Variants in PPFIBP1 observed in about 807,000 individuals in gnomAD.
The protein encoded by PPFIBP1 is PPFIB scaffold protein 1, also known as liprin-beta-1.
A neutral mutation model predicts 137.8 loss-of-function variants in PPFIBP1; 112 were observed. That is an observed-to-expected ratio of 0.81 (90% CI 0.70 to 0.95). PPFIBP1 has a LOEUF of 0.95. Ranked by LOEUF, PPFIBP1 falls within the 40% of genes least tolerant of loss-of-function variation. The pLI is 0.00. For synonymous variants in PPFIBP1, 378 were observed against 417.3 expected (o/e 0.91, Z 1.15); for missense variants, 1,083 against 1,196.6 (o/e 0.91, Z 1.40).
chr12:27,592,569 A>C, intron 2 of PPFIBP1: 2 of 1,438,852 alleles, frequency 1.4e-6, no homozygotes, highest in Non-Finnish European at 2.0e-6. Flanking sequence ...CTTTCACAGG[A>C]TGATACCTCC....
chr12:27,664,239 G>A lies in PPFIBP1; in HGVS notation c.907-123G>A, dbSNP rs74074090. 360 of 641,228 alleles carry A rather than the reference G, an allele frequency of 5.6e-4. No homozygotes were observed. In the African/African-American group the frequency reaches 5.7e-3, roughly 10 times the overall value. 39.7% of individuals were successfully genotyped at this position (641,228 alleles called of 1,614,324 possible). ...CATCTGCTTATTCTTTTTTTTAAATGCTCTCTCGGCAGAATCATGCGTATT... is the reference window on the plus strand; with the variant it reads ...CATCTGCTTATTCTTTTTTTTAAATACTCTCTCGGCAGAATCATGCGTATT... On this transcript the variant is annotated intron_variant, in intron 11 of 29. Coordinates refer to ENST00000228425, the MANE Select transcript of PPFIBP1 (RefSeq NM_003622.4).
chr12:27,535,782 T>C (rs1944931799), intron 1 of PPFIBP1, among the ~76,000 whole-genome samples: 2 of 152,232 alleles, frequency 1.3e-5, no homozygotes, highest in African/African-American at 4.8e-5. Flanking sequence ...TATATTGTTA[T>C]GAGAACAGTA....
In PPFIBP1 at chr12:27,688,383, C is replaced by T. The variant is rs1349361020; in HGVS notation, c.2456C>T (p.Ala819Val). The change falls in exon 26 of 30, where the codon GCG becomes GTG. Residue 819 changes from alanine to valine, a missense_variant. Transcript: ENST00000228425. ...CGCTCCGTGGACTTGGCAGAATATGCGCCCAATCTCAGAGGCAGTGGTGTC... is the reference window on the plus strand; with the variant it reads ...CGCTCCGTGGACTTGGCAGAATATGTGCCCAATCTCAGAGGCAGTGGTGTC... ...WLRSVDLAEY[A>V]PNLRGSGVHG... The T allele has an allele frequency of 1.5e-5, 24 of 1,613,944 alleles. No homozygotes were observed. Among genetic ancestry groups the T allele is most frequent in the Non-Finnish European group, 1.9e-5 (23 of 1,180,010 alleles).
chr12:27,623,679 T>C (rs1166281040), intron 2 of PPFIBP1, among the ~76,000 whole-genome samples: 2 of 151,878 alleles, frequency 1.3e-5, no homozygotes, highest in Non-Finnish European at 2.9e-5. Context: ...CTGCACTCCA[T>C]CCTGTGTGAC....
chr12:27,626,456 T>C (rs1212398618), intron 2 of PPFIBP1, among the ~76,000 whole-genome samples: 1 of 152,142 alleles, frequency 6.6e-6, no homozygotes, highest in East Asian at 1.9e-4. Flanking sequence ...TGTGTGAGTC[T>C]AGTGATTGAG....
chr12:27,553,205 G>A (rs1171346501), intron 1 of PPFIBP1, among the ~76,000 whole-genome samples: 1 of 152,056 alleles, frequency 6.6e-6, no homozygotes, highest in Non-Finnish European at 1.5e-5. Context: ...AAATAAAGAC[G>A]AACTCAAGCT....
intron 1 of PPFIBP1, among the ~76,000 whole-genome samples, chr12:27,530,198 C>A (rs1170208232): frequency 1.3e-5 from 2 of 152,124 alleles, no homozygotes; most frequent in Non-Finnish European, 2.9e-5. Context: ...ATAGAATTTT[C>A]TTTTGTTTGC....
At chr12:27,651,695 G>A (rs1008911922) in intron 7 of PPFIBP1, among the ~76,000 whole-genome samples, 1 of 152,184 alleles carries the variant, frequency 6.6e-6, no homozygotes, top group Non-Finnish European at 1.5e-5. Context: ...TATGGATAGA[G>A]GTGGTCTTCT....
At chr12:27,570,810 G>A (rs2050079637) in intron 1 of PPFIBP1, among the ~76,000 whole-genome samples, 2 of 152,142 alleles carry the variant, frequency 1.3e-5, no homozygotes, top group African/African-American at 4.8e-5. Context: ...CTACTCGGGA[G>A]GCTGAGGCAG....
At chr12:27,560,208 A>G (rs1241567009) in intron 1 of PPFIBP1, among the ~76,000 whole-genome samples, 1 of 152,238 alleles carries the variant, frequency 6.6e-6, no homozygotes, top group Non-Finnish European at 1.5e-5. Context: ...TGCACTTTAA[A>G]TTCAAATTAT....
intron 21 of PPFIBP1, 30 bp downstream of exon 21, chr12:27,680,091 A>G: frequency 6.2e-7 from 1 of 1,611,798 alleles, no homozygotes; most frequent in Non-Finnish European, 8.5e-7. Context: ...AGACTTTTGC[A>G]TCTCTACCAA....
Position 27,664,587 on chromosome 12 carries a change from A to G in PPFIBP1, c.991+141A>G, listed in dbSNP as rs1035724566. The G allele has an allele frequency of 1.4e-5, 9 of 648,974 alleles. No homozygotes were observed. The South Asian group carries it at 1.4e-4, about 10-fold the overall frequency. The allele number at this position is 648,974 out of a possible 1,614,324, so 40.2% of individuals were successfully genotyped here. Reference sequence around the variant, plus strand: ...TAATTCGTTAATTGAACAATTAGGCAACTGTACTCTGCCAGAAAGTGTCCA... The same window carrying G: ...TAATTCGTTAATTGAACAATTAGGCGACTGTACTCTGCCAGAAAGTGTCCA... On this transcript the variant is annotated intron_variant, in intron 12 of 29. Transcript: ENST00000228425.
chr12:27,616,046 CTAAGCACTTAA>C (rs537205378), intron 2 of PPFIBP1, among the ~76,000 whole-genome samples: 111 of 152,300 alleles, frequency 7.3e-4, no homozygotes, highest in Non-Finnish European at 1.5e-3. Context: ...TGGGTACTTA[CTAAGCACTTAA>C]TAAATATTAG....
At chr12:27,657,735 A>G (rs566023071) in intron 9 of PPFIBP1, among the ~76,000 whole-genome samples, 1 of 151,956 alleles carries the variant, frequency 6.6e-6, no homozygotes. Context: ...CCCATCACCT[A>G]CTGTTTGGCA....
chr12:27,593,976 T>A, intron 2 of PPFIBP1: 1 of 1,407,258 alleles, frequency 7.1e-7, no homozygotes, highest in Non-Finnish European at 9.3e-7. Context: ...ACAGAGAGGA[T>A]CAGGTTGGAA....
At position 27,687,561 on chromosome 12, in the gene PPFIBP1, T is replaced by C; in HGVS notation, c.2370+54T>C. The C allele has an allele frequency of 1.3e-6, 2 of 1,552,690 alleles. 1 individual carries two copies. The highest frequency in any genetic ancestry group is 2.4e-5 in the South Asian group (2 of 82,832). On this transcript the variant is annotated intron_variant, in intron 25 of 29. Coordinates refer to ENST00000228425, the MANE Select transcript of PPFIBP1 (RefSeq NM_003622.4). ...CATGCACTTCCCAGGCATGGGACTG[T>C]CCATGTGTCGAAACTAAGAGCCATT...
rs1159191954 is a variant in PPFIBP1, at chr12:27,694,700, A to T, written c.*1818A>T. On this transcript the variant is annotated 3_prime_UTR_variant, in exon 30 of 30. Transcript: ENST00000228425. ...AGCAAAAACTGTTACTGTGTTTATT[A>T]TATTTGTAGAAGTATTAGAAAAATA... 1.3e-5 allele frequency: 2 copies of T among 152,194 alleles called. No individual in the cohort carries two copies. Among genetic ancestry groups the T allele is most frequent in the Non-Finnish European group, 2.9e-5 (2 of 68,032 alleles). 9.4% of individuals were successfully genotyped at this position (152,194 alleles called of 1,614,324 possible). A position where few individuals can be genotyped will look rare whatever the true frequency, so the allele number is the denominator to read the frequency against.
At chr12:27,597,301 G>A (rs1312237124) in intron 2 of PPFIBP1, among the ~76,000 whole-genome samples, 3 of 152,138 alleles carry the variant, frequency 2.0e-5, no homozygotes, top group African/African-American at 7.2e-5. Context: ...CTGAGTAGCT[G>A]GGATTACAGG....
At chr12:27,528,676 T>A (rs1171158441) in intron 1 of PPFIBP1, among the ~76,000 whole-genome samples, 1 of 151,986 alleles carries the variant, frequency 6.6e-6, no homozygotes, top group Non-Finnish European at 1.5e-5. Context: ...GTGGTGAGCA[T>A]TTTTTTTCCA....
Sources: gnomAD v4.1 joint callset for allele counts (sites outside exome capture counted in the v4.1 genomes callset) on GRCh38, gnomAD v4.1.1 for gene constraint, MANE v1.5 for transcripts, NCBI Gene and HGNC (gene_info 2026-07-23, HGNC 2026-07-21) for gene names.